The following CSMD1 variants were observed in gnomAD, a reference collection of about 807,000 sequenced individuals.
CSMD1 encodes the protein CUB and sushi domain-containing protein 1.
In CSMD1, 213 loss-of-function variants were observed where a neutral mutation model predicts 417.5. That is an observed-to-expected ratio of 0.51 (90% confidence interval 0.46 to 0.57). The LOEUF is 0.57. CSMD1 is among the 20% of genes least tolerant of loss of function. The pLI is 0.00. For synonymous variants in CSMD1, 2,862 were observed against 1,736.8 expected (o/e 1.65, Z -16.11); for missense variants, 6,923 against 4,529.7 (o/e 1.53, Z -15.17).
intron 22 of CSMD1, among the ~76,000 whole-genome samples, chr8:3,344,924 G>C (rs1393554497): frequency 4.6e-5 from 7 of 152,198 alleles, no homozygotes; most frequent in Admixed American, 4.6e-4. Context: ...CCAGGTCATT[G>C]TGTAAAAACC....
intron 26 of CSMD1, among the ~76,000 whole-genome samples, chr8:3,280,362 GAGGTC>G (rs1413432236): frequency 6.6e-6 from 1 of 152,190 alleles, no homozygotes; most frequent in African/African-American, 2.4e-5. Context: ...CAAAGCATTA[GAGGTC>G]AAGATAGAAA....
At chr8:3,334,357 C>G (rs1198454490) in intron 23 of CSMD1, among the ~76,000 whole-genome samples, 1 of 152,156 alleles carries the variant, frequency 6.6e-6, no homozygotes, top group Non-Finnish European at 1.5e-5. Context: ...TTTTCAAGCA[C>G]CAAAATGACA....
At chr8:4,375,841 TCA>T (rs972588783) in intron 3 of CSMD1, among the ~76,000 whole-genome samples, 4 of 152,060 alleles carry the variant, frequency 2.6e-5, no homozygotes, top group African/African-American at 9.7e-5. Context: ...AAAACAGACT[TCA>T]CAGTCATCTA....
chr8:4,922,228 T>C (rs1422020281), intron 1 of CSMD1, among the ~76,000 whole-genome samples: 4 of 152,162 alleles, frequency 2.6e-5, no homozygotes, highest in African/African-American at 4.8e-5. Context: ...TTTTTTAATG[T>C]ACCTTCAGTT....
intron 1 of CSMD1, among the ~76,000 whole-genome samples, chr8:4,965,217 A>T (rs2117353247): frequency 6.6e-6 from 1 of 152,332 alleles, no homozygotes; most frequent in Non-Finnish European, 1.5e-5. Flanking sequence ...TGATATAAGG[A>T]TTTTAACACA....
intron 6 of CSMD1, among the ~76,000 whole-genome samples, chr8:3,711,943 G>C (rs1398263670): frequency 6.6e-6 from 1 of 152,182 alleles, no homozygotes; most frequent in African/African-American, 2.4e-5. Context: ...GAAAATTCGA[G>C]TAGTCTCTCA....
chr8:4,109,540 C>T (rs1259619504), intron 3 of CSMD1, among the ~76,000 whole-genome samples: 1 of 152,086 alleles, frequency 6.6e-6, no homozygotes, highest in African/African-American at 2.4e-5. Context: ...CTGAAGTTTT[C>T]AGGCAAAATT....
At chr8:4,644,316 G>T (rs1803379984) in intron 1 of CSMD1, among the ~76,000 whole-genome samples, 1 of 152,082 alleles carries the variant, frequency 6.6e-6, no homozygotes. Context: ...TTTTTTCATT[G>T]AGGCCTCATG....
chr8:3,439,305 A>ATTTT (rs1254998951), intron 12 of CSMD1, among the ~76,000 whole-genome samples: 1 of 41,200 alleles, frequency 2.4e-5, no homozygotes, highest in Non-Finnish European at 4.1e-5. Flanking sequence ...ATATATATAT[A>ATTTT]TATATTTTTT....
chr8:4,683,963 C>T (rs1027075865), intron 1 of CSMD1, among the ~76,000 whole-genome samples: 1 of 152,160 alleles, frequency 6.6e-6, no homozygotes, highest in African/African-American at 2.4e-5. Flanking sequence ...ATATTTATCA[C>T]AGTGAAATCT....
At chr8:4,276,001 G>T (rs1796465346) in intron 3 of CSMD1, among the ~76,000 whole-genome samples, 1 of 152,154 alleles carries the variant, frequency 6.6e-6, no homozygotes, top group Admixed American at 6.6e-5. Flanking sequence ...GGAGAAATAG[G>T]AATGCTTTTA....
intron 5 of CSMD1, among the ~76,000 whole-genome samples, chr8:3,978,676 G>C (rs995064895): frequency 6.6e-6 from 1 of 152,026 alleles, no homozygotes; most frequent in Non-Finnish European, 1.5e-5. Context: ...AATTACTCCT[G>C]CCCAACCCGG....
intron 2 of CSMD1, among the ~76,000 whole-genome samples, chr8:4,606,222 T>C (rs548322732): frequency 1.8e-3 from 268 of 152,296 alleles, no homozygotes; most frequent in African/African-American, 6.1e-3. Flanking sequence ...GTCTAAGAGT[T>C]GGAAGGAGAA....
intron 2 of CSMD1, among the ~76,000 whole-genome samples, chr8:4,535,821 G>T (rs769712518): frequency 3.9e-5 from 6 of 152,068 alleles, no homozygotes; most frequent in Non-Finnish European, 8.8e-5. Context: ...TTCTTTAAAG[G>T]AAATACATCG....
chr8:3,676,442 T>C (rs963499873), intron 7 of CSMD1, among the ~76,000 whole-genome samples: 1 of 152,216 alleles, frequency 6.6e-6, no homozygotes, highest in African/African-American at 2.4e-5. Flanking sequence ...ATGCTAACAT[T>C]AGTTATGTAG....
At chr8:2,956,524 G>T (rs908259316) in intron 63 of CSMD1, among the ~76,000 whole-genome samples, 1 of 151,574 alleles carries the variant, frequency 6.6e-6, no homozygotes, top group Non-Finnish European at 1.5e-5. Flanking sequence ...CACGATCTCC[G>T]CTCGCTGCAA....
At chr8:4,679,047 C>T (rs985520762) in intron 1 of CSMD1, among the ~76,000 whole-genome samples, 1 of 152,184 alleles carries the variant, frequency 6.6e-6, no homozygotes, top group Non-Finnish European at 1.5e-5. Flanking sequence ...TTGCCCAGAT[C>T]ACAGTGAGGT....
chr8:4,520,574 G>C (rs1388374739), intron 2 of CSMD1, among the ~76,000 whole-genome samples: 1 of 152,096 alleles, frequency 6.6e-6, no homozygotes, highest in Non-Finnish European at 1.5e-5. Context: ...GATAATCAGA[G>C]TGGTTATGTC....
chr8:3,750,349 T>C (rs1797273984), intron 6 of CSMD1, among the ~76,000 whole-genome samples: 1 of 149,854 alleles, frequency 6.7e-6, no homozygotes. Context: ...ATATCATATA[T>C]ATATGATTCA....
Sources: gnomAD v4.1 joint callset for allele counts (sites outside exome capture counted in the v4.1 genomes callset) on GRCh38, gnomAD v4.1.1 for gene constraint, MANE v1.5 for transcripts, NCBI Gene and HGNC (gene_info 2026-07-23, HGNC 2026-07-21) for gene names.